PNPT1: variants seen among roughly 807,000 people sequenced by gnomAD.
The protein encoded by PNPT1 is polyribonucleotide nucleotidyltransferase 1.
A neutral mutation model predicts 119.5 loss-of-function variants in PNPT1; 53 were observed. That is an observed-to-expected ratio of 0.44 (90% CI 0.36 to 0.56). The LOEUF (loss-of-function observed/expected upper bound fraction) is 0.56. Ranked by LOEUF, PNPT1 falls within the 20% of genes least tolerant of loss-of-function variation. PNPT1 has a pLI of 0.00. For missense variants in PNPT1, 948 were observed against 938.5 expected, an observed-to-expected ratio of 1.01 and a Z score of -0.13; for synonymous variants, 357 against 322.1, an observed-to-expected ratio of 1.11 and a Z score of -1.16.
chr2:55,651,911 C>G, intron 18 of PNPT1, among the ~76,000 whole-genome samples: 1 of 100,052 alleles, frequency 1.0e-5, no homozygotes, highest in East Asian at 2.5e-4. Context: ...AAAACAATAA[C>G]CTTCAACATA....
chr2:55,647,883 T>C lies in PNPT1; in HGVS notation c.1496-430A>G, dbSNP rs974942218. Among the ~76,000 whole-genome samples, 9 of 152,168 alleles carry C rather than the reference T, an allele frequency of 5.9e-5. No individual in the cohort carries two copies. In the South Asian group the frequency reaches 6.2e-4, roughly 11 times the overall value. On this transcript the variant is annotated intron_variant, in intron 18 of 27. Transcript: ENST00000447944. ...TAAATTGACAATCACCGAAGCTGAG[T>C]TGGAAGTCTTAAGAGGTCATCTGAC... is the stretch of plus-strand genomic sequence containing the variant.
intron 18 of PNPT1, among the ~76,000 whole-genome samples, 163 bp downstream of exon 18, chr2:55,654,737 A>T (rs1696330022): frequency 6.6e-6 from 1 of 150,806 alleles, no homozygotes; most frequent in Admixed American, 6.6e-5. Flanking sequence ...AAAGGTTAGC[A>T]TTTTTTTTTA....
intron 13 of PNPT1, among the ~76,000 whole-genome samples, chr2:55,665,163 A>G (rs1280525335): frequency 1.3e-5 from 2 of 152,202 alleles, no homozygotes; most frequent in African/African-American, 2.4e-5. Context: ...ATAAACTTTG[A>G]CTATCATATG....
At chr2:55,648,970 T>G (rs957680299) in intron 18 of PNPT1, among the ~76,000 whole-genome samples, 7 of 150,102 alleles carry the variant, frequency 4.7e-5, no homozygotes, top group Non-Finnish European at 7.4e-5. Flanking sequence ...TGGATCTCAT[T>G]TCATTTTCTC....
At chr2:55,651,167 T>A (rs868799675) in intron 18 of PNPT1, among the ~76,000 whole-genome samples, 79 of 108,186 alleles carry the variant, frequency 7.3e-4, no homozygotes, top group East Asian at 1.9e-3. Flanking sequence ...GGAGCCCCTC[T>A]GCCCGGCCAG....
At chr2:55,679,599 TAC>T (rs1333798967) in intron 8 of PNPT1, 81 bp downstream of exon 8, 5 of 1,003,944 alleles carry the variant, frequency 5.0e-6, no homozygotes, top group South Asian at 2.9e-5. Context: ...CGACAAAACA[TAC>T]ACACAGAGTT....
chr2:55,672,373 T>G (rs1302485847), intron 9 of PNPT1, among the ~76,000 whole-genome samples: 1 of 152,250 alleles, frequency 6.6e-6, no homozygotes, highest in Admixed American at 6.5e-5. Flanking sequence ...GGCTCCATTA[T>G]CACATGAAAC....
At chr2:55,667,162 T>G in intron 12 of PNPT1, 69 bp from the exon 13 acceptor site, 2 of 1,194,522 alleles carry the variant, frequency 1.7e-6, no homozygotes, top group Non-Finnish European at 2.5e-6. Context: ...TCTTTATCTC[T>G]CCCAGGAAGT....
At chr2:55,680,582 G>T in intron 7 of PNPT1, 130 bp downstream of exon 7, 1 of 838,298 alleles carries the variant, frequency 1.2e-6, no homozygotes, top group Non-Finnish European at 1.9e-6. Flanking sequence ...AGGAGACTTA[G>T]AACGTCATCT....
Position 55,683,783 on chromosome 2 carries a change from A to T in PNPT1, c.453+2T>A. On this transcript the variant is annotated splice_donor_variant, in intron 5 of 27. Coordinates refer to ENST00000447944, the MANE Select transcript of PNPT1 (RefSeq NM_033109.5). LOFTEE classifies it high-confidence loss of function. The stretch of plus-strand genomic sequence containing the variant: ...AACTAAAAAACCTAAAGCAGAATCT[A>T]CCTGTGTATCATAGAAGTAGCCAGC... 1 of 1,611,670 alleles carries T rather than the reference A, an allele frequency of 6.2e-7. No homozygotes were observed. Among genetic ancestry groups the T allele is most frequent in the Non-Finnish European group, 8.5e-7 (1 of 1,178,312 alleles).
At chr2:55,671,968 T>C (rs758232192) in intron 10 of PNPT1, 27 bp downstream of exon 10, 2 of 1,543,662 alleles carry the variant, frequency 1.3e-6, no homozygotes, top group South Asian at 2.4e-5. Context: ...AGGGCAATTA[T>C]GGAAGACAAA....
At chr2:55,662,108 A>G (rs1247380550) in intron 13 of PNPT1, 82 bp from the exon 14 acceptor site, 1 of 1,201,440 alleles carries the variant, frequency 8.3e-7, no homozygotes, top group Non-Finnish European at 1.1e-6. Flanking sequence ...AATCCAACTA[A>G]CTCTTAAAAA....
rs138993194 is a variant in PNPT1 at position 55,648,539 on chromosome 2, T to C, written c.1496-1086A>G. Among the ~76,000 whole-genome samples the C allele has an allele frequency of 2.4e-3, 368 of 152,336 alleles. 1 individual carries two copies. The highest frequency in any genetic ancestry group is 8.3e-3 in the African/African-American group (345 of 41,582). On this transcript the variant is annotated intron_variant, in intron 18 of 27. Coordinates refer to ENST00000447944, the MANE Select transcript of PNPT1 (RefSeq NM_033109.5). The stretch of plus-strand genomic sequence containing the variant: ...TTTTCTCAATTTAAAGTGTAAAAAA[T>C]GGTTATTTTAAATCTGACTTGTTTT...
chr2:55,686,020 G>A (rs1031951031), intron 3 of PNPT1, among the ~76,000 whole-genome samples: 4 of 152,130 alleles, frequency 2.6e-5, no homozygotes, highest in Admixed American at 2.0e-4. Context: ...TGAATCCATG[G>A]ATGCAAAACC....
intron 4 of PNPT1, 26 bp downstream of exon 4, chr2:55,684,917 T>C (rs1385012872): frequency 4.7e-6 from 7 of 1,500,700 alleles, no homozygotes; most frequent in Middle Eastern, 1.8e-4. Flanking sequence ...CCAGAGAAGA[T>C]GAACGCCTCT....
rs1299941813 is a variant in PNPT1 at position 55,659,223 on chromosome 2, G to C, written c.1284+934C>G. Among the ~76,000 whole-genome samples the C allele has an allele frequency of 2.6e-5, 4 of 152,130 alleles. No homozygotes were observed. The East Asian group carries it at 5.8e-4, about 22-fold the overall frequency. ...TCCCTCCTCAGCCTCCCAAAGTGCT[G>C]GGATTACAGGTATGAGCTACCATGC... On this transcript the variant is annotated intron_variant, in intron 15 of 27. Coordinates refer to ENST00000447944, the MANE Select transcript of PNPT1 (RefSeq NM_033109.5).
chr2:55,684,215 G>A (rs528269029), intron 4 of PNPT1, among the ~76,000 whole-genome samples: 19 of 152,312 alleles, frequency 1.2e-4, no homozygotes, highest in Admixed American at 1.3e-4. Context: ...ATTTCTGGCC[G>A]AGCACAGTGG....
chr2:55,679,888 G>C, intron 7 of PNPT1, 93 bp from the exon 8 acceptor site: 1 of 814,428 alleles, frequency 1.2e-6, no homozygotes, highest in Non-Finnish European at 1.9e-6. Context: ...ATCTTTGATT[G>C]TGACCACAGA....
chr2:55,660,115 T>C (rs1473846248), intron 15 of PNPT1, 42 bp downstream of exon 15: 4 of 1,521,928 alleles, frequency 2.6e-6, no homozygotes, highest in Non-Finnish European at 3.5e-6. Context: ...CAAAAATTTA[T>C]TAATTTATTA....
Sources: gnomAD v4.1 joint callset for allele counts (sites outside exome capture counted in the v4.1 genomes callset) on GRCh38, gnomAD v4.1.1 for gene constraint, MANE v1.5 for transcripts, NCBI Gene and HGNC (gene_info 2026-07-23, HGNC 2026-07-21) for gene names.